Variants in NEDD4 observed in about 807,000 individuals in gnomAD.
NEDD4 encodes E3 ubiquitin-protein ligase NEDD4.
Under a neutral mutation model 144.9 loss-of-function variants are expected in NEDD4, and 99 were observed. The ratio of observed to expected loss-of-function variants is 0.68; its 90% CI spans 0.58 to 0.81. The LOEUF is 0.81. Among genes scored for constraint, NEDD4 ranks in the 30% least tolerant of loss-of-function variants. The probability of loss-of-function intolerance (pLI) is 0.00; values close to 1 mark genes in which losing one functional copy is unlikely to be tolerated. For synonymous variants in NEDD4, 318 were observed against 350.6 expected (o/e 0.91, Z 1.04); for missense variants, 985 against 1,065.9 (o/e 0.92, Z 1.06).
intron 13 of NEDD4, among the ~76,000 whole-genome samples, chr15:55,851,698 AACTCCCG>A (rs1189184943): frequency 7.9e-5 from 12 of 151,928 alleles, no homozygotes; most frequent in Admixed American, 5.2e-4. Flanking sequence ...GCTGATCTTG[AACTCCCG>A]ACCTCAGGTG....
At chr15:55,886,369 C>T (rs1425930458) in intron 5 of NEDD4, among the ~76,000 whole-genome samples, 2 of 152,188 alleles carry the variant, frequency 1.3e-5, no homozygotes, top group Non-Finnish European at 2.9e-5. Flanking sequence ...GTTTAGAGAA[C>T]ACTTCATTCA....
intron 27 of NEDD4, among the ~76,000 whole-genome samples, chr15:55,832,170 A>AC (rs1223600077): frequency 8.7e-6 from 1 of 115,278 alleles, no homozygotes; most frequent in Non-Finnish European, 1.8e-5. Flanking sequence ...GAGATTCTCC[A>AC]CCCCTATCTT....
chr15:55,960,690 C>G (rs879679339), intron 2 of NEDD4, among the ~76,000 whole-genome samples: 14 of 152,096 alleles, frequency 9.2e-5, no homozygotes, highest in Non-Finnish European at 1.6e-4. Flanking sequence ...TTAGTTCTGT[C>G]CCCCTAGAGA....
At chr15:55,885,620 C>T (rs950459723) in intron 5 of NEDD4, among the ~76,000 whole-genome samples, 1 of 151,996 alleles carries the variant, frequency 6.6e-6, no homozygotes, top group Non-Finnish European at 1.5e-5. Flanking sequence ...GTTAAGTTGT[C>T]ATCAGTTTAA....
chr15:55,952,247 T>A (rs541661174), intron 2 of NEDD4, among the ~76,000 whole-genome samples: 1 of 151,598 alleles, frequency 6.6e-6, no homozygotes, highest in Non-Finnish European at 1.5e-5. Flanking sequence ...GGCAGGAGAA[T>A]GGCATGAACC....
chr15:55,940,771 C>G (rs1287443271), intron 4 of NEDD4, among the ~76,000 whole-genome samples: 1 of 151,926 alleles, frequency 6.6e-6, no homozygotes, highest in Non-Finnish European at 1.5e-5. Flanking sequence ...GGGGGCCCAC[C>G]CTGGCCTCTC....
At chr15:55,899,371 TG>T (rs1317585235) in intron 5 of NEDD4, among the ~76,000 whole-genome samples, 2 of 152,240 alleles carry the variant, frequency 1.3e-5, no homozygotes, top group Non-Finnish European at 2.9e-5. Context: ...TCTGATCAAA[TG>T]TAAGTTTAGC....
At chr15:55,901,046 A>G (rs2035899659) in intron 5 of NEDD4, among the ~76,000 whole-genome samples, 1 of 152,152 alleles carries the variant, frequency 6.6e-6, no homozygotes, top group South Asian at 2.1e-4. Flanking sequence ...GAAAACTGGT[A>G]TCTAACTTTT....
At chr15:55,867,577 C>T (rs1474219521) in intron 8 of NEDD4, among the ~76,000 whole-genome samples, 3 of 152,074 alleles carry the variant, frequency 2.0e-5, no homozygotes, top group East Asian at 1.9e-4. Context: ...TTCCATTATT[C>T]GAGATACTCT....
At chr15:55,832,873 A>G (rs187152019) in intron 27 of NEDD4, 135 bp downstream of exon 27, 2 of 614,074 alleles carry the variant, frequency 3.3e-6, no homozygotes, top group Non-Finnish European at 5.7e-6. Flanking sequence ...CCCTAATGGT[A>G]TCACTTTCAA....
rs146270802 is a variant in NEDD4, at chr15:55,873,009, T to G, written c.343-533A>C. Among the ~76,000 whole-genome samples, 38 of 152,324 alleles carry G rather than the reference T, an allele frequency of 2.5e-4. No homozygotes were observed. In the East Asian group the frequency reaches 7.1e-3, roughly 29 times the overall value. On this transcript the variant is annotated intron_variant, in intron 6 of 28. Coordinates refer to ENST00000435532, the MANE Select transcript of NEDD4 (RefSeq NM_006154.4). ...CTGAAAAAGAAGTATTTTTTCTCTTTCTTTAAAATTCAGCAGTTGTTAGTT... is the reference window on the plus strand; with the variant it reads ...CTGAAAAAGAAGTATTTTTTCTCTTGCTTTAAAATTCAGCAGTTGTTAGTT...
intron 5 of NEDD4, among the ~76,000 whole-genome samples, chr15:55,884,486 T>C (rs1245901507): frequency 1.3e-5 from 2 of 152,114 alleles, no homozygotes; most frequent in African/African-American, 4.8e-5. Flanking sequence ...AACAGAGATA[T>C]ATGTGACCTT....
intron 11 of NEDD4, among the ~76,000 whole-genome samples, chr15:55,856,784 G>A (rs2142022745): frequency 6.6e-6 from 1 of 152,208 alleles, no homozygotes; most frequent in South Asian, 2.1e-4. Flanking sequence ...CTTGTTTCCT[G>A]GAAATCTCAT....
intron 1 of NEDD4, among the ~76,000 whole-genome samples, chr15:55,972,585 A>G (rs1468645749): frequency 2.6e-5 from 4 of 152,184 alleles, no homozygotes; most frequent in Non-Finnish European, 5.9e-5. Flanking sequence ...ACTTTCACAA[A>G]AAGGAGCACA....
intron 4 of NEDD4, among the ~76,000 whole-genome samples, chr15:55,940,533 TCTCTCTCTCTCTGC>T (rs1228712285): frequency 7.7e-6 from 1 of 130,352 alleles, no homozygotes; most frequent in Non-Finnish European, 1.7e-5. Flanking sequence ...TCTCTCTCTC[TCTCTCTCTCTCTGC>T]CTCTCTGCCT....
intron 5 of NEDD4, among the ~76,000 whole-genome samples, chr15:55,902,260 T>C (rs927773060): frequency 2.0e-5 from 3 of 152,080 alleles, no homozygotes; most frequent in African/African-American, 4.8e-5. Flanking sequence ...TATCAGAAAA[T>C]AGATGAATTA....
chr15:55,893,633 A>G (rs868865912), intron 5 of NEDD4, among the ~76,000 whole-genome samples: 27 of 151,680 alleles, frequency 1.8e-4, no homozygotes, highest in Middle Eastern at 3.4e-3. Flanking sequence ...GACACATGAT[A>G]TTCGCACATG....
At chr15:55,835,420 GTTT>G (rs56792157) in intron 24 of NEDD4, among the ~76,000 whole-genome samples, 1 of 108,356 alleles carries the variant, frequency 9.2e-6, no homozygotes, top group Non-Finnish European at 1.9e-5. Context: ...CTCCTGTTCT[GTTT>G]TTTTTTTTTT....
intron 12 of NEDD4, among the ~76,000 whole-genome samples, chr15:55,855,186 T>C (rs1338084398): frequency 1.3e-5 from 2 of 152,178 alleles, no homozygotes; most frequent in Admixed American, 1.3e-4. Flanking sequence ...GGGTGTTATT[T>C]AGACAGATAA....
Sources: gnomAD v4.1 joint callset for allele counts (sites outside exome capture counted in the v4.1 genomes callset) on GRCh38, gnomAD v4.1.1 for gene constraint, MANE v1.5 for transcripts, NCBI Gene and HGNC (gene_info 2026-07-23, HGNC 2026-07-21) for gene names.